Variants in TRPS1 observed in about 807,000 individuals in gnomAD.
TRPS1 encodes the protein zinc finger transcription factor Trps1.
TRPS1 carries 6 observed loss-of-function variants against 101.2 expected under a neutral mutation model. The ratio of observed to expected loss-of-function variants is 0.06; its 90% CI spans 0.03 to 0.12. The LOEUF is 0.12. Ranked by LOEUF, TRPS1 falls within the 10% of genes least tolerant of loss-of-function variation. TRPS1 has a pLI of 1.00. For synonymous variants in TRPS1, 578 were observed against 589.8 expected (o/e 0.98, Z 0.29); for missense variants, 1,363 against 1,567.0 (o/e 0.87, Z 2.20).
At chr8:115,460,069 C>G (rs1388386626) in intron 5 of TRPS1, among the ~76,000 whole-genome samples, 4 of 152,042 alleles carry the variant, frequency 2.6e-5, no homozygotes, top group Non-Finnish European at 1.5e-5. Flanking sequence ...TATTAAGTTA[C>G]CAGAAAGACA....
intron 1 of TRPS1, among the ~76,000 whole-genome samples, chr8:115,647,429 T>A (rs1338013011): frequency 6.6e-6 from 1 of 152,116 alleles, no homozygotes; most frequent in African/African-American, 2.4e-5. Context: ...AAGAAAAACA[T>A]AAAGGCCTCA....
chr8:115,413,830 T>C lies in TRPS1; in HGVS notation c.*193A>G, dbSNP rs890510899. 4 of 608,236 alleles carry C rather than the reference T, an allele frequency of 6.6e-6. No homozygotes were observed. The highest frequency in any genetic ancestry group is 1.1e-5 in the Non-Finnish European group (4 of 354,932). The allele number at this position is 608,236 out of a possible 1,614,324, so 37.7% of individuals were successfully genotyped here. ...TTTACCATCTTCCATTCTTTCTCATTGACCATTTATCTCACTTTTTAATCT... is the reference window on the plus strand; with the variant it reads ...TTTACCATCTTCCATTCTTTCTCATCGACCATTTATCTCACTTTTTAATCT... On this transcript the variant is annotated 3_prime_UTR_variant, in exon 7 of 7. Transcript: ENST00000395715.
At chr8:115,450,564 C>A (rs1265261810) in intron 5 of TRPS1, among the ~76,000 whole-genome samples, 2 of 151,890 alleles carry the variant, frequency 1.3e-5, no homozygotes, top group Non-Finnish European at 2.9e-5. Context: ...GAGTAACAGT[C>A]CACATGGTTT....
rs575006316 is a variant in TRPS1 at position 115,641,803 on chromosome 8, C to G, written c.-121-18045G>C. Among the ~76,000 whole-genome samples the G allele has an allele frequency of 2.4e-4, 37 of 152,268 alleles. No homozygotes were observed. The South Asian group carries it at 7.1e-3, about 29-fold the overall frequency. On this transcript the variant is annotated intron_variant, in intron 1 of 6. Transcript: ENST00000395715. ...GCTAAGGCAGGAGAATCACTTGAACCTGGGAGGCGGAGGTTGCAATGAGCC... is the reference window on the plus strand; with the variant it reads ...GCTAAGGCAGGAGAATCACTTGAACGTGGGAGGCGGAGGTTGCAATGAGCC...
At chr8:115,494,432 A>G (rs1304147962) in intron 5 of TRPS1, among the ~76,000 whole-genome samples, 1 of 152,248 alleles carries the variant, frequency 6.6e-6, no homozygotes, top group East Asian at 1.9e-4. Context: ...TTAAAAAGCA[A>G]GTCGAGAGGA....
At chr8:115,565,313 A>G (rs1817041140) in intron 5 of TRPS1, among the ~76,000 whole-genome samples, 1 of 152,184 alleles carries the variant, frequency 6.6e-6, no homozygotes, top group Non-Finnish European at 1.5e-5. Flanking sequence ...GGAGATTCAA[A>G]ATTATTTCCA....
intron 1 of TRPS1, among the ~76,000 whole-genome samples, chr8:115,633,146 A>G (rs1818686836): frequency 6.6e-6 from 1 of 152,118 alleles, no homozygotes; most frequent in African/African-American, 2.4e-5. Context: ...GTACGGGAGA[A>G]AGGGCCAGGA....
chr8:115,427,256 A>C (rs1254153040), intron 5 of TRPS1, among the ~76,000 whole-genome samples: 1 of 152,186 alleles, frequency 6.6e-6, no homozygotes, highest in Non-Finnish European at 1.5e-5. Context: ...CAGCCTGGGC[A>C]ACAGAGCGAG....
chr8:115,453,084 C>T (rs936446192), intron 5 of TRPS1, among the ~76,000 whole-genome samples: 7 of 151,692 alleles, frequency 4.6e-5, no homozygotes, highest in African/African-American at 1.5e-4. Flanking sequence ...TACAGTGGCG[C>T]GATCTCGGCT....
At chr8:115,657,447 G>A (rs1811700586) in intron 1 of TRPS1, among the ~76,000 whole-genome samples, 1 of 152,102 alleles carries the variant, frequency 6.6e-6, no homozygotes, top group African/African-American at 2.4e-5. Flanking sequence ...TAAGAAGCCT[G>A]TGACTGATGT....
Position 115,418,280 on chromosome 8 carries a change from C to T in TRPS1, c.2823+50G>A, listed in dbSNP as rs751647945. 1.9e-6 allele frequency: 3 copies of T among 1,613,660 alleles called. No homozygotes were observed. Among genetic ancestry groups the T allele is most frequent in the Non-Finnish European group, 2.5e-6 (3 of 1,179,714 alleles). On this transcript the variant is annotated intron_variant, in intron 6 of 6. Coordinates refer to ENST00000395715, the MANE Select transcript of TRPS1 (RefSeq NM_014112.5). This position sits in a 1 kb window ranked among gnomAD's most constrained non-coding sequence, Gnocchi z 4.3. ...GGGACTTATCACACCACAGACCAGG[C>T]CAACACTGCTTTATAAAGCTTTTCC... is the stretch of plus-strand genomic sequence containing the variant.
Position 115,444,937 on chromosome 8 carries a change from A to C in TRPS1, c.2701-26485T>G, listed in dbSNP as rs1813695820. Among the ~76,000 whole-genome samples the C allele has an allele frequency of 5.0e-5, 4 of 80,118 alleles. No homozygotes were observed. The South Asian group carries it at 2.3e-3, about 46-fold the overall frequency. 52.6% of individuals were successfully genotyped at this position (80,118 alleles called of 152,430 possible). A position where few individuals can be genotyped will look rare whatever the true frequency, so the allele number is the denominator to read the frequency against. The stretch of plus-strand genomic sequence containing the variant: ...CCAATCCACCAATGATATCATTTCT[A>C]GGTTAAATTTCTGAAGACAACCTAA... On this transcript the variant is annotated intron_variant, in intron 5 of 6. Coordinates refer to ENST00000395715, the MANE Select transcript of TRPS1 (RefSeq NM_014112.5).
chr8:115,465,156 G>A (rs1481330064), intron 5 of TRPS1, among the ~76,000 whole-genome samples: 1 of 151,836 alleles, frequency 6.6e-6, no homozygotes, highest in Non-Finnish European at 1.5e-5. Context: ...AACCACCAAA[G>A]GACACGAGAA....
At chr8:115,570,666 C>A (rs1000419107) in intron 5 of TRPS1, among the ~76,000 whole-genome samples, 1 of 137,452 alleles carries the variant, frequency 7.3e-6, no homozygotes, top group African/African-American at 2.8e-5. Flanking sequence ...AGTGGAAAAA[C>A]CTCAAAAAAA....
intron 1 of TRPS1, among the ~76,000 whole-genome samples, chr8:115,644,670 A>G (rs1434226143): frequency 6.6e-6 from 1 of 152,240 alleles, no homozygotes; most frequent in Non-Finnish European, 1.5e-5. Flanking sequence ...ATGTGGCACA[A>G]GAGGCCTAGT....
intron 1 of TRPS1, among the ~76,000 whole-genome samples, chr8:115,665,748 G>A (rs1304413355): frequency 6.6e-6 from 1 of 152,018 alleles, no homozygotes; most frequent in East Asian, 1.9e-4. Flanking sequence ...TACCTTTAAC[G>A]TTACCTTTAA....
At chr8:115,641,314 T>G (rs1818889874) in intron 1 of TRPS1, among the ~76,000 whole-genome samples, 1 of 152,226 alleles carries the variant, frequency 6.6e-6, no homozygotes, top group African/African-American at 2.4e-5. Context: ...ACTGCCGCAT[T>G]GTTTCTTGGC....
chr8:115,461,288 G>C lies in TRPS1; in HGVS notation c.2701-42836C>G, dbSNP rs373636592. On this transcript the variant is annotated intron_variant, in intron 5 of 6. Coordinates refer to ENST00000395715, the MANE Select transcript of TRPS1 (RefSeq NM_014112.5). ...AGATAGATAGATAGATAGATAGATA[G>C]ATAGATAGATAGACAGATACATACA... Among the ~76,000 whole-genome samples the C allele has an allele frequency of 0.02, 572 of 29,208 alleles. 3 individuals carry two copies. The East Asian group carries it at 0.29, about 15-fold the overall frequency. The allele number at this position is 29,208 out of a possible 152,430, so 19.2% of individuals were successfully genotyped here. A position where few individuals can be genotyped will look rare whatever the true frequency, so the allele number is the denominator to read the frequency against.
rs1231582677 is a variant in TRPS1, at chr8:115,418,073, T to C, written c.2823+257A>G. 2.6e-5 allele frequency among the ~76,000 whole-genome samples: 4 copies of C among 152,244 alleles called. No homozygotes were observed. Among genetic ancestry groups the C allele is most frequent in the Non-Finnish European group, 1.5e-5 (1 of 68,044 alleles). On this transcript the variant is annotated intron_variant, in intron 6 of 6. Coordinates refer to ENST00000395715, the MANE Select transcript of TRPS1 (RefSeq NM_014112.5). This position sits in a 1 kb window ranked among gnomAD's most constrained non-coding sequence, Gnocchi z 4.3. ...GATAACCATTAGTTCAACTATCTGC[T>C]GTGAAGTTCCCAGAAATCAATCATT...
Sources: gnomAD v4.1 joint callset for allele counts (sites outside exome capture counted in the v4.1 genomes callset) on GRCh38, gnomAD v4.1.1 for gene constraint, Gnocchi (gnomAD v3.1) non-coding constraint, MANE v1.5 for transcripts, NCBI Gene and HGNC (gene_info 2026-07-23, HGNC 2026-07-21) for gene names.